The following MYO1H variants were observed in gnomAD, a reference collection of about 807,000 sequenced individuals.
MYO1H encodes myosin IH.
A neutral mutation model predicts 149.3 loss-of-function variants in MYO1H; 118 were observed. That is an observed-to-expected ratio of 0.79 (90% CI 0.68 to 0.92). The LOEUF is 0.92. Among genes scored for constraint, MYO1H ranks in the 40% least tolerant of loss-of-function variants. MYO1H has a pLI of 0.00. For synonymous variants in MYO1H, 447 were observed against 465.2 expected (o/e 0.96, Z 0.50); for missense variants, 1,212 against 1,280.7 (o/e 0.95, Z 0.82).
At chr12:109,328,133 C>T in the MYO1H span, among the ~76,000 whole-genome samples, 1 of 148,408 alleles carries the variant, frequency 6.7e-6, no homozygotes, top group Non-Finnish European at 1.5e-5. Flanking sequence ...AACACACACA[C>T]ACACACGCAT....
chr12:109,396,720 G>A lies in MYO1H; in HGVS notation c.489+138G>A. 1.2e-5 allele frequency: 8 copies of A among 651,960 alleles called. No individual in the cohort carries two copies. The South Asian group carries it at 2.2e-4, about 18-fold the overall frequency. The allele number at this position is 651,960 out of a possible 1,614,324, so 40.4% of individuals were successfully genotyped here. On this transcript the variant is annotated intron_variant, in intron 4 of 31. Coordinates refer to ENST00000310903, the Ensembl canonical transcript of MYO1H. ...TCACACAGATAGTGTCACAGTTAAGGGTGTGACCTGGAACTAAGCCCATTT... is the reference window on the plus strand; with the variant it reads ...TCACACAGATAGTGTCACAGTTAAGAGTGTGACCTGGAACTAAGCCCATTT...
At chr12:109,349,686 TG>T (rs1868414455) in intron 1 of MYO1H, among the ~76,000 whole-genome samples, 6 of 141,610 alleles carry the variant, frequency 4.2e-5, no homozygotes, top group African/African-American at 1.6e-4. Context: ...AGAGGCCGGG[TG>T]CGGTGGCTCA....
chr12:109,396,799 T>A, intron 4 of MYO1H, among the ~76,000 whole-genome samples: 1 of 148,844 alleles, frequency 6.7e-6, no homozygotes, highest in South Asian at 2.1e-4. Context: ...GACATTTGGT[T>A]TTTGTTTTGG....
chr12:109,330,909 A>C, the MYO1H span, among the ~76,000 whole-genome samples: 4 of 152,192 alleles, frequency 2.6e-5, no homozygotes, highest in Admixed American at 1.3e-4. Context: ...TTTATGTCGG[A>C]GGGGTTTTTA....
chr12:109,318,975 T>TG, the MYO1H span, among the ~76,000 whole-genome samples: 7 of 99,664 alleles, frequency 7.0e-5, no homozygotes, highest in East Asian at 1.8e-3. Flanking sequence ...TGGTTTTGTT[T>TG]TTTTTTTTTT....
At position 109,399,677 on chromosome 12, in the gene MYO1H, C is replaced by T. The variant is rs540547710; in HGVS notation, c.571-1416C>T. ...CTGTAATCCCAGCACTTTGGGAGGT[C>T]GAGGTGAGAGGATTGCTTGAGTCTA... On this transcript the variant is annotated intron_variant, in intron 5 of 31. Transcript: ENST00000310903. Among the ~76,000 whole-genome samples, 9 of 151,052 alleles carry T rather than the reference C, an allele frequency of 6.0e-5. 1 individual carries two copies. Among genetic ancestry groups the T allele is most frequent in the African/African-American group, 2.2e-4 (9 of 41,068 alleles).
intron 1 of MYO1H, among the ~76,000 whole-genome samples, chr12:109,361,111 TCCCA>T (rs1422433829): frequency 6.6e-6 from 1 of 152,230 alleles, no homozygotes; most frequent in African/African-American, 2.4e-5. Context: ...GGAACTGTTG[TCCCA>T]ATTCTTTTCT....
chr12:109,317,227 A>T, the MYO1H span, among the ~76,000 whole-genome samples: 1 of 152,352 alleles, frequency 6.6e-6, no homozygotes, highest in South Asian at 2.1e-4. Flanking sequence ...TGGCACACTT[A>T]TACGCACAAT....
the MYO1H span, among the ~76,000 whole-genome samples, chr12:109,326,922 T>C: frequency 2.6e-5 from 4 of 151,994 alleles, no homozygotes; most frequent in Non-Finnish European, 5.9e-5. Context: ...GCCAAACTTA[T>C]AAACTTTCCC....
intron 10 of MYO1H, 172 bp downstream of exon 10, chr12:109,408,085 C>A (rs553181554): frequency 3.9e-6 from 3 of 771,904 alleles, no homozygotes; most frequent in Admixed American, 2.4e-5. Context: ...GGGTGCATGC[C>A]GAATGACTTA....
At chr12:109,436,611 C>A in intron 22 of MYO1H, 55 bp downstream of exon 22, 3 of 1,255,438 alleles carry the variant, frequency 2.4e-6, no homozygotes, top group African/African-American at 1.5e-5. Flanking sequence ...TGCTTGGCAC[C>A]TGGGGGCACA....
exon 2 of MYO1H, chr12:109,388,803 G>T (rs1357242759): frequency 3.7e-6 from 6 of 1,613,296 alleles, no homozygotes. Flanking sequence ...ATCTGCCTTT[G>T]TCGACAACCT....
intron 6 of MYO1H, 179 bp downstream of exon 6, chr12:109,401,451 G>T: frequency 1.6e-6 from 1 of 607,750 alleles, no homozygotes. Flanking sequence ...ATGCCTGGCA[G>T]CTATATCACC....
the MYO1H span, among the ~76,000 whole-genome samples, chr12:109,320,253 G>A: frequency 6.6e-6 from 1 of 152,038 alleles, no homozygotes; most frequent in African/African-American, 2.4e-5. Context: ...GTCTGAGGCT[G>A]CAGAGAGCTA....
At chr12:109,407,384 G>C (rs1870438981) in intron 9 of MYO1H, among the ~76,000 whole-genome samples, 1 of 151,970 alleles carries the variant, frequency 6.6e-6, no homozygotes, top group Admixed American at 6.6e-5. Flanking sequence ...ACAGTGCCTG[G>C]CACACATGGG....
At chr12:109,418,526 T>A (rs2135570038) in intron 15 of MYO1H, among the ~76,000 whole-genome samples, 1 of 152,006 alleles carries the variant, frequency 6.6e-6, no homozygotes, top group South Asian at 2.1e-4. Flanking sequence ...ATTTTTGTAT[T>A]TTTAGTAGAG....
chr12:109,354,025 G>C (rs756721971), intron 1 of MYO1H: 8 of 137,494 alleles, frequency 5.8e-5, no homozygotes, highest in Non-Finnish European at 1.1e-4. Context: ...TTTCCAGAAT[G>C]TCTAAAATAA....
chr12:109,363,000 C>G (rs1365999559), intron 1 of MYO1H, among the ~76,000 whole-genome samples: 1 of 152,218 alleles, frequency 6.6e-6, no homozygotes, highest in African/African-American at 2.4e-5. Context: ...TAGCACACAA[C>G]TGTTTTGCTC....
At chr12:109,364,576 C>T (rs960157581) in intron 1 of MYO1H, among the ~76,000 whole-genome samples, 7 of 152,148 alleles carry the variant, frequency 4.6e-5, no homozygotes, top group African/African-American at 9.7e-5. Flanking sequence ...CCACCTGCCT[C>T]GGCTTCCCAC....
Sources: allele counts gnomAD v4.1 joint callset (sites outside exome capture counted in the v4.1 genomes callset), GRCh38; gene constraint gnomAD v4.1.1; transcripts MANE v1.5; gene names NCBI Gene and HGNC (gene_info 2026-07-23, HGNC 2026-07-21).